Variants in NECTIN3 observed in about 807,000 individuals in gnomAD.
NECTIN3 encodes nectin cell adhesion molecule 3, also known as nectin-3.
NECTIN3 carries 8 observed loss-of-function variants against 49.4 expected under a neutral mutation model. The observed-to-expected ratio is 0.16, with a 90% CI of 0.10 to 0.29. NECTIN3 has a LOEUF of 0.29. Among genes scored for constraint, NECTIN3 ranks in the 10% least tolerant of loss-of-function variants. The pLI, the probability that NECTIN3 is intolerant of heterozygous loss-of-function variation, is 1.00. For synonymous variants in NECTIN3, 277 were observed against 241.1 expected, an observed-to-expected ratio of 1.15 and a Z score of -1.38; for missense variants, 581 against 654.6, an observed-to-expected ratio of 0.89 and a Z score of 1.23.
intron 7 of NECTIN3, among the ~76,000 whole-genome samples, chr3:111,149,090 C>T (rs540393609): frequency 6.6e-6 from 1 of 152,110 alleles, no homozygotes; most frequent in Non-Finnish European, 1.5e-5. Context: ...CCAAATACTT[C>T]TGAATTACCT....
chr3:111,124,373 G>A (rs768296760), intron 4 of NECTIN3, among the ~76,000 whole-genome samples: 2 of 152,100 alleles, frequency 1.3e-5, no homozygotes, highest in Non-Finnish European at 2.9e-5. Context: ...CATAGAAGAT[G>A]CTTTTGTTGT....
At chr3:111,166,234 A>G (rs2035317081) in intron 7 of NECTIN3, among the ~76,000 whole-genome samples, 1 of 152,146 alleles carries the variant, frequency 6.6e-6, no homozygotes, top group East Asian at 1.9e-4. Context: ...TTCAAGTGCT[A>G]TCTTGCTTTC....
At chr3:111,166,168 C>A (rs1291164261) in intron 7 of NECTIN3, among the ~76,000 whole-genome samples, 2 of 152,158 alleles carry the variant, frequency 1.3e-5, no homozygotes, top group African/African-American at 2.4e-5. Flanking sequence ...CCACAGTCAC[C>A]AGAATGGGCA....
chr3:111,169,611 C>T (rs1439645114), intron 7 of NECTIN3, among the ~76,000 whole-genome samples: 1 of 152,060 alleles, frequency 6.6e-6, no homozygotes, highest in Non-Finnish European at 1.5e-5. Flanking sequence ...ATTCCATTCA[C>T]TTCCATGGTC....
At chr3:111,129,971 T>C (rs1191231981) in intron 5 of NECTIN3, among the ~76,000 whole-genome samples, 4 of 150,620 alleles carry the variant, frequency 2.7e-5, no homozygotes, top group African/African-American at 9.8e-5. Context: ...TTTTTTTTTT[T>C]TTGAGACAGA....
At chr3:111,155,033 G>A (rs781337926) in intron 7 of NECTIN3, among the ~76,000 whole-genome samples, 2 of 152,098 alleles carry the variant, frequency 1.3e-5, no homozygotes, top group African/African-American at 2.4e-5. Context: ...CTACTCCCAG[G>A]TTCAAGCGAT....
intron 7 of NECTIN3, among the ~76,000 whole-genome samples, chr3:111,183,649 T>G (rs967776128): frequency 6.7e-6 from 1 of 149,582 alleles, no homozygotes. Flanking sequence ...AGAATTCTAG[T>G]TTTTTTTTTC....
At position 111,118,284 on chromosome 3, in the gene NECTIN3, T is replaced by A. The variant is rs535443396; in HGVS notation, c.503-372T>A. The stretch of plus-strand genomic sequence containing the variant: ...TATATATATATATATATATATATAT[T>A]ATACATATATAAAACTTATCTTCCA... On this transcript the variant is annotated intron_variant, in intron 2 of 5. Transcript: ENST00000485303. Among the ~76,000 whole-genome samples the A allele has an allele frequency of 4.4e-3, 219 of 49,464 alleles. 2 individuals carry two copies. The highest frequency in any genetic ancestry group is 7.2e-3 in the African/African-American group (141 of 19,486). 32.5% of individuals were successfully genotyped at this position (49,464 alleles called of 152,430 possible). A position where few individuals can be genotyped will look rare whatever the true frequency, so the allele number is the denominator to read the frequency against.
chr3:111,103,053 T>A (rs2032996673), intron 1 of NECTIN3, among the ~76,000 whole-genome samples: 1 of 152,174 alleles, frequency 6.6e-6, no homozygotes, highest in African/African-American at 2.4e-5. Flanking sequence ...TCACAGTAAC[T>A]TTATGTTAAG....
chr3:111,104,720 C>A (rs1359702121), intron 1 of NECTIN3, among the ~76,000 whole-genome samples: 1 of 152,078 alleles, frequency 6.6e-6, no homozygotes, highest in Non-Finnish European at 1.5e-5. Context: ...TTACCAGATG[C>A]ATGTTTTACA....
upstream of NECTIN3, among the ~76,000 whole-genome samples, chr3:111,190,905 G>A (rs1222187558): frequency 2.0e-5 from 3 of 152,160 alleles, no homozygotes; most frequent in Non-Finnish European, 4.4e-5. Flanking sequence ...GGAAAACTAG[G>A]AGTAAAGAGA....
At position 111,126,344 on chromosome 3, in the gene NECTIN3, C is replaced by G; in HGVS notation, c.1069+9C>G. The G allele has an allele frequency of 6.3e-7, 1 of 1,595,708 alleles. No individual in the cohort carries two copies. Among genetic ancestry groups the G allele is most frequent in the African/African-American group, 1.3e-5 (1 of 74,084 alleles). On this transcript the variant is annotated intron_variant, in intron 5 of 5. Coordinates refer to ENST00000485303, the MANE Select transcript of NECTIN3 (RefSeq NM_015480.3). The stretch of plus-strand genomic sequence containing the variant: ...AGTCATCTACATTTCAGGTAAGTTA[C>G]TATCTGCTTGCAAAATGAGTTATTT...
At chr3:111,149,501 G>GTGTGTGTT (rs1553727777) in intron 7 of NECTIN3, among the ~76,000 whole-genome samples, 3 of 142,666 alleles carry the variant, frequency 2.1e-5, no homozygotes, top group African/African-American at 8.4e-5. Context: ...GTGTGTGTGT[G>GTGTGTGTT]TGTGTGTAGA....
At chr3:111,097,434 G>A (rs1053519686) in intron 1 of NECTIN3, among the ~76,000 whole-genome samples, 17 of 152,246 alleles carry the variant, frequency 1.1e-4, no homozygotes, top group Non-Finnish European at 7.3e-5. Flanking sequence ...AAGGCTTTGG[G>A]GGACTCTTGG....
chr3:111,103,700 T>C (rs970386304), intron 1 of NECTIN3, among the ~76,000 whole-genome samples: 14 of 152,054 alleles, frequency 9.2e-5, no homozygotes, highest in Admixed American at 1.3e-4. Flanking sequence ...AAAGGAGTAG[T>C]GAGAGGGGAA....
At chr3:111,143,132 G>A (rs2107506226) in intron 5 of NECTIN3, among the ~76,000 whole-genome samples, 1 of 151,912 alleles carries the variant, frequency 6.6e-6, no homozygotes, top group East Asian at 1.9e-4. Flanking sequence ...GGATAATATA[G>A]ATTATCCGTA....
At chr3:111,130,484 C>A (rs905048103) in intron 5 of NECTIN3, among the ~76,000 whole-genome samples, 1 of 151,990 alleles carries the variant, frequency 6.6e-6, no homozygotes, top group Non-Finnish European at 1.5e-5. Flanking sequence ...ACCAGTTAAT[C>A]TTTTTCATTG....
At chr3:111,142,686 GCTTT>G (rs1419883100) in intron 5 of NECTIN3, among the ~76,000 whole-genome samples, 5 of 151,566 alleles carry the variant, frequency 3.3e-5, no homozygotes, top group African/African-American at 1.2e-4. Flanking sequence ...GAAGTTAAAG[GCTTT>G]CTTAGAGGAA....
chr3:111,176,206 A>T (rs1298976003), intron 7 of NECTIN3, among the ~76,000 whole-genome samples: 1 of 152,224 alleles, frequency 6.6e-6, no homozygotes, highest in Non-Finnish European at 1.5e-5. Context: ...CAGTATCACT[A>T]TGTAAAAATT....
Sources: allele counts gnomAD v4.1 joint callset (sites outside exome capture counted in the v4.1 genomes callset), GRCh38; gene constraint gnomAD v4.1.1; transcripts MANE v1.5; gene names NCBI Gene and HGNC (gene_info 2026-07-23, HGNC 2026-07-21).